Variants in ZNF578 observed in about 807,000 individuals in gnomAD.
ZNF578 encodes Putative chemokine-related protein B42.
A neutral mutation model predicts 8.3 loss-of-function variants in ZNF578; 8 were observed. That is an observed-to-expected ratio of 0.96 (90% CI 0.56 to 1.74). ZNF578 has a LOEUF of 1.74. ZNF578 is among the 40% of genes most tolerant of loss of function. ZNF578 has a pLI of 0.00. For synonymous variants in ZNF578, 206 were observed against 232.2 expected (o/e 0.89, Z 1.03); for missense variants, 726 against 707.5 (o/e 1.03, Z -0.30).
chr19:52,493,948 C>G (rs1440792329), intron 3 of ZNF578, among the ~76,000 whole-genome samples: 1 of 151,502 alleles, frequency 6.6e-6, no homozygotes, highest in Non-Finnish European at 1.5e-5. Context: ...CGAGATCTCA[C>G]CATTTCACTC....
intron 5 of ZNF578, 144 bp downstream of exon 5, chr19:52,504,925 T>A: frequency 6.8e-7 from 1 of 1,479,310 alleles, no homozygotes; most frequent in Non-Finnish European, 9.0e-7. Flanking sequence ...ATCTTTGCTC[T>A]TGTTTCCCAG....
rs200014147 is a variant in ZNF578, at chr19:52,512,068, G to T, written c.1687G>T (p.Gly563Ter). 1.3e-5 allele frequency: 21 copies of T among 1,613,742 alleles called. No individual in the cohort carries two copies. The East Asian group carries it at 4.2e-4, about 33-fold the overall frequency. Residue 563 changes from glycine (G) to a stop codon, truncating the protein, a stop_gained, in exon 6 of 6, where the codon GGA becomes TGA. Transcript: ENST00000421239. LOFTEE classifies it low-confidence loss of function (END_TRUNC). ...GGCAAACCATACTAGAATTCATAGC[G>T]GAGAGAAACCTTACAAGTGTAATGA... is the stretch of plus-strand genomic sequence containing the variant. The part of the protein sequence containing the change: ...YLANHTRIHS[G>*]EKPYKCNECG...
intron 3 of ZNF578, among the ~76,000 whole-genome samples, chr19:52,496,912 C>A (rs1158421699): frequency 6.6e-6 from 1 of 151,992 alleles, no homozygotes; most frequent in Non-Finnish European, 1.5e-5. Context: ...GCTGGGATTA[C>A]AGGCATGAGC....
rs908244874 is a variant in ZNF578, at chr19:52,513,911, G to C, written c.*1757G>C. Among the ~76,000 whole-genome samples, 16 of 152,008 alleles carry C rather than the reference G, an allele frequency of 1.1e-4. No homozygotes were observed. The highest frequency in any genetic ancestry group is 3.9e-4 in the African/African-American group (16 of 41,376). ...GTGGGGGTGTGCACCTTTAGTTCCA[G>C]CTACTTGGGACACTGAGGCATGAGA... On this transcript the variant is annotated 3_prime_UTR_variant, in exon 6 of 6. Coordinates refer to ENST00000421239, the MANE Select transcript of ZNF578 (RefSeq NM_001099694.2).
chr19:52,485,667 AC>A (rs1230716733), intron 2 of ZNF578, among the ~76,000 whole-genome samples: 1 of 152,110 alleles, frequency 6.6e-6, no homozygotes, highest in Non-Finnish European at 1.5e-5. Flanking sequence ...CTGTAACCAT[AC>A]CCCCAACCCT....
intron 2 of ZNF578, among the ~76,000 whole-genome samples, chr19:52,471,075 C>T (rs1048969219): frequency 6.6e-6 from 1 of 152,118 alleles, no homozygotes; most frequent in African/African-American, 2.4e-5. Context: ...CCTGCTCTTA[C>T]TTCACCTTCC....
intron 5 of ZNF578, among the ~76,000 whole-genome samples, chr19:52,508,209 G>A (rs1216165040): frequency 6.6e-6 from 1 of 151,924 alleles, no homozygotes; most frequent in African/African-American, 2.4e-5. Flanking sequence ...TCTGTGCGTG[G>A]TGGTGCATGC....
intron 3 of ZNF578, among the ~76,000 whole-genome samples, chr19:52,496,228 G>A (rs1190557195): frequency 6.6e-6 from 1 of 151,932 alleles, no homozygotes; most frequent in African/African-American, 2.4e-5. Context: ...ATCTTGGCAA[G>A]ATGGTTCTTG....
intron 2 of ZNF578, among the ~76,000 whole-genome samples, chr19:52,478,424 C>T (rs993411385): frequency 1.3e-5 from 2 of 152,158 alleles, no homozygotes; most frequent in Non-Finnish European, 2.9e-5. Context: ...AAAATTCTCT[C>T]TATTGGGGTT....
At position 52,505,791 on chromosome 19, in the gene ZNF578, G is replaced by T. The variant is rs1261658066; in HGVS notation, c.190+1010G>T. Among the ~76,000 whole-genome samples, 3 of 152,106 alleles carry T rather than the reference G, an allele frequency of 2.0e-5. No homozygotes were observed. The East Asian group carries it at 5.8e-4, about 29-fold the overall frequency. The stretch of plus-strand genomic sequence containing the variant: ...TAGGGTCAACCCTGTAAGAGATATG[G>T]TTTTCATCAATCTTATTTAGGGAGC... On this transcript the variant is annotated intron_variant, in intron 5 of 5. Transcript: ENST00000421239.
chr19:52,503,055 C>G (rs1417041304), intron 4 of ZNF578, among the ~76,000 whole-genome samples: 1 of 152,114 alleles, frequency 6.6e-6, no homozygotes, highest in Non-Finnish European at 1.5e-5. Context: ...CCACACCCAG[C>G]TAGTTTTTGT....
chr19:52,479,803 A>C (rs1472695030), intron 2 of ZNF578, among the ~76,000 whole-genome samples: 1 of 152,248 alleles, frequency 6.6e-6, no homozygotes, highest in Admixed American at 6.5e-5. Context: ...CAAAGGAATT[A>C]GAAAATGTGA....
chr19:52,505,164 G>A lies in ZNF578; in HGVS notation c.190+383G>A, dbSNP rs541457416. Among the ~76,000 whole-genome samples, 109 of 152,292 alleles carry A rather than the reference G, an allele frequency of 7.2e-4. 1 individual carries two copies. In the South Asian group the frequency reaches 0.019, roughly 26 times the overall value. ...GGCCTCCCAAAGTGCTGGGATTACAGGCGTGAGCCACCATGCCCAGCTCAT... is the reference window on the plus strand; with the variant it reads ...GGCCTCCCAAAGTGCTGGGATTACAAGCGTGAGCCACCATGCCCAGCTCAT... On this transcript the variant is annotated intron_variant, in intron 5 of 5. Transcript: ENST00000421239.
At chr19:52,494,225 G>T (rs1468862332) in intron 3 of ZNF578, among the ~76,000 whole-genome samples, 1 of 152,052 alleles carries the variant, frequency 6.6e-6, no homozygotes, top group Non-Finnish European at 1.5e-5. Flanking sequence ...AGTGGCTCAA[G>T]CCTGTAATCC....
chr19:52,507,942 G>A (rs1182939009), intron 5 of ZNF578, among the ~76,000 whole-genome samples: 1 of 152,088 alleles, frequency 6.6e-6, no homozygotes, highest in Non-Finnish European at 1.5e-5. Flanking sequence ...CCAGCTACTC[G>A]GGTGGCTGAG....
At chr19:52,481,350 A>C (rs914309887) in intron 2 of ZNF578, among the ~76,000 whole-genome samples, 5 of 152,170 alleles carry the variant, frequency 3.3e-5, no homozygotes, top group Non-Finnish European at 7.3e-5. Flanking sequence ...GGAACGCGGG[A>C]ATTAAAGACA....
At chr19:52,480,544 A>G (rs556949483) in intron 2 of ZNF578, among the ~76,000 whole-genome samples, 60 of 152,008 alleles carry the variant, frequency 3.9e-4, no homozygotes, top group African/African-American at 1.2e-3. Flanking sequence ...CTGTCTGACA[A>G]TGTTGTGCTG....
chr19:52,504,517 T>A (rs2059418521), intron 4 of ZNF578, 138 bp from the exon 5 acceptor site: 2 of 1,514,324 alleles, frequency 1.3e-6, no homozygotes, highest in Admixed American at 2.4e-5. Flanking sequence ...AGAAAAAAAA[T>A]TCAAAAATAC....
At chr19:52,462,181 T>C (rs1223967485) in intron 2 of ZNF578, among the ~76,000 whole-genome samples, 1 of 152,244 alleles carries the variant, frequency 6.6e-6, no homozygotes, top group Non-Finnish European at 1.5e-5. Context: ...GGTCTTAAAT[T>C]GTTCCAGTTG....
Sources: gnomAD v4.1 joint callset for allele counts (sites outside exome capture counted in the v4.1 genomes callset) on GRCh38, gnomAD v4.1.1 for gene constraint, MANE v1.5 for transcripts, NCBI Gene and HGNC (gene_info 2026-07-23, HGNC 2026-07-21) for gene names.